MARK4: variants seen among roughly 807,000 people sequenced by gnomAD.
MARK4 encodes the protein microtubule affinity regulating kinase 4, also known as MAP/microtubule affinity-regulating kinase 4.
A neutral mutation model predicts 81.5 loss-of-function variants in MARK4; 19 were observed. The ratio of observed to expected loss-of-function variants is 0.23; its 90% CI spans 0.16 to 0.34. The LOEUF (loss-of-function observed/expected upper bound fraction) is 0.34. MARK4 is among the 10% of genes least tolerant of loss of function. MARK4 has a pLI of 1.00. For missense variants in MARK4, 772 were observed against 1,058.8 expected, an observed-to-expected ratio of 0.73 and a Z score of 3.76; for synonymous variants, 436 against 439.0, an observed-to-expected ratio of 0.99 and a Z score of 0.08.
At chr19:45,282,566 G>A (rs1020730354) in intron 12 of MARK4, among the ~76,000 whole-genome samples, 17 of 151,998 alleles carry the variant, frequency 1.1e-4, no homozygotes, top group African/African-American at 2.2e-4. Flanking sequence ...AGCGGCTCAC[G>A]CCTGTAATCC....
chr19:45,264,394 G>A (rs1432264253), intron 4 of MARK4, among the ~76,000 whole-genome samples: 1 of 151,850 alleles, frequency 6.6e-6, no homozygotes, highest in Admixed American at 6.6e-5. Context: ...CCAGCTACTC[G>A]GGAGGCTGAG....
chr19:45,278,498 T>G lies in MARK4; in HGVS notation c.907-18T>G, dbSNP rs1227465300. The G allele has an allele frequency of 6.2e-7, 1 of 1,610,822 alleles. No homozygotes were observed. The highest frequency in any genetic ancestry group is 1.1e-5 in the South Asian group (1 of 91,008). On this transcript the variant is annotated intron_variant, in intron 9 of 16. Transcript: ENST00000262891. ...TCTGACACCTGTCTTCCCCCTTCCC[T>G]GCTCCTGATGCCTGCAGCAAATCAT...
intron 8 of MARK4, among the ~76,000 whole-genome samples, chr19:45,277,081 T>C (rs1970607455): frequency 6.6e-6 from 1 of 151,538 alleles, no homozygotes; most frequent in Admixed American, 6.6e-5. Context: ...AGAATAAACT[T>C]CCTTTTTTTT....
rs954385348 is a variant in MARK4 at position 45,271,412 on chromosome 19, C to T, written c.550-60C>T. On this transcript the variant is annotated intron_variant, in intron 7 of 16. Transcript: ENST00000262891. The surrounding 1 kb of genome is among the most constrained non-coding windows in gnomAD (Gnocchi z 4.1). ...AGCCTGTGCTCCTGTCTGCCTCCCA[C>T]GTCCATGAAAGGCTTTGGCCTTGAG... 7.8e-6 allele frequency: 12 copies of T among 1,534,234 alleles called. No individual in the cohort carries two copies. In the Admixed American group the frequency reaches 8.6e-5, roughly 11 times the overall value.
rs149027164 is a variant in MARK4, at chr19:45,279,901, T to A, written c.1007-473T>A. Among the ~76,000 whole-genome samples the A allele has an allele frequency of 1.2e-3, 185 of 152,262 alleles. 2 individuals carry two copies. Among genetic ancestry groups the A allele is most frequent in the African/African-American group, 3.6e-3 (149 of 41,554 alleles). On this transcript the variant is annotated intron_variant, in intron 10 of 16. Transcript: ENST00000262891. ...GTAGAACACACTAATTAGCCAGACC[T>A]GGGTTATCCGCCTGCCTTAGGGTTG...
Position 45,277,920 on chromosome 19 carries a change from C to T in MARK4, c.787-3C>T. Reference sequence around the variant, plus strand: ...CCCTCCTCCAGTAACCCCATCCCTGCAGGAGCTGCGGGAGCGAGTACTCAG... The same window carrying T: ...CCCTCCTCCAGTAACCCCATCCCTGTAGGAGCTGCGGGAGCGAGTACTCAG... On this transcript the variant is annotated splice_polypyrimidine_tract_variant and splice_region_variant and intron_variant, in intron 8 of 16. Coordinates refer to ENST00000262891, the MANE Select transcript of MARK4 (RefSeq NM_001199867.2). 1 of 1,611,510 alleles carries T rather than the reference C, an allele frequency of 6.2e-7. No individual in the cohort carries two copies. The highest frequency in any genetic ancestry group is 1.1e-5 in the South Asian group (1 of 90,904).
At position 45,263,107 on chromosome 19, in the gene MARK4, C is replaced by G. The variant is rs376569138; in HGVS notation, c.253-6C>G. 6 of 1,603,156 alleles carry G rather than the reference C, an allele frequency of 3.7e-6. No individual in the cohort carries two copies. The highest frequency in any genetic ancestry group is 1.1e-5 in the South Asian group (1 of 89,344). ...GACCGTCCCTCCTCCTTTCCTCCCC[C>G]TCTAGGTTGCCATCAAGATTATCGA... On this transcript the variant is annotated splice_polypyrimidine_tract_variant and splice_region_variant and intron_variant, in intron 2 of 16. Transcript: ENST00000262891.
rs372438669 is a variant in MARK4, at chr19:45,278,604, C to A, written c.995C>A (p.Thr332Asn). 2.0e-5 allele frequency: 33 copies of A among 1,612,964 alleles called. No homozygotes were observed. The highest frequency in any genetic ancestry group is 2.7e-5 in the Non-Finnish European group (32 of 1,179,384). Reference sequence around the variant, plus strand: ...GAGCCCGAGGAGGACTTCGGGGACACCAAGAGAATTGGTGAGGGTCAGGGA... The same window carrying A: ...GAGCCCGAGGAGGACTTCGGGGACAACAAGAGAATTGGTGAGGGTCAGGGA... ...YTEPEEDFGD[T>N]KRIEVMVGMG... Residue 332 changes from threonine (T) to asparagine (N), a missense_variant, in exon 10 of 17, where the codon ACC becomes AAC. This residue lies in a region of MARK4 where 548 missense variants were observed against 624.3 expected (regional missense o/e 0.88). Coordinates refer to ENST00000262891, the MANE Select transcript of MARK4 (RefSeq NM_001199867.2).
chr19:45,299,903 C>G (rs1970945449), intron 16 of MARK4, 48 bp downstream of exon 16: 2 of 1,562,040 alleles, frequency 1.3e-6, no homozygotes, highest in East Asian at 4.7e-5. Context: ...TCTCCTGCCT[C>G]AGCACCTCCC....
intron 8 of MARK4, 87 bp from the exon 9 acceptor site, chr19:45,277,821 GGTTGTGTGTGTGTGT>G: frequency 7.8e-7 from 1 of 1,288,502 alleles, no homozygotes. Context: ...TTGGGACAAA[GGTTGTGTGTGTGTGT>G]GTGTGTGTGT....
intron 10 of MARK4, chr19:45,280,015 G>A (rs1970650650): frequency 7.2e-6 from 2 of 277,740 alleles, no homozygotes; most frequent in Non-Finnish European, 1.4e-5. Context: ...GATGGGTACT[G>A]GACAGGTCAA....
chr19:45,261,956 C>G (rs1970386490), intron 2 of MARK4, among the ~76,000 whole-genome samples: 1 of 151,788 alleles, frequency 6.6e-6, no homozygotes, highest in South Asian at 2.1e-4. Context: ...AGTTTCACTG[C>G]AAAAGAAGTA....
intron 12 of MARK4, among the ~76,000 whole-genome samples, chr19:45,282,767 T>C (rs1233384977): frequency 6.6e-6 from 1 of 151,962 alleles, no homozygotes; most frequent in Non-Finnish European, 1.5e-5. Context: ...GAGGTTGCAG[T>C]GAGCCGAGAT....
Position 45,268,583 on chromosome 19 carries a change from C to CA in MARK4, c.549+2316dup, listed in dbSNP as rs1252401187. Among the ~76,000 whole-genome samples the CA allele has an allele frequency of 9.4e-3, 1,012 of 107,908 alleles. 7 individuals carry two copies. The highest frequency in any genetic ancestry group is 0.012 in the Non-Finnish European group (603 of 51,336). The allele number at this position is 107,908 out of a possible 152,430, so 70.8% of individuals were successfully genotyped here. ...TGGACAACAGAGCAAGACTCCATCT[C>CA]AAAAAAAAAAAAAAGAAAAAAAATT... On this transcript the variant is annotated intron_variant, in intron 7 of 16. Transcript: ENST00000262891.
At chr19:45,295,164 A>C (rs1327354020) in intron 14 of MARK4, among the ~76,000 whole-genome samples, 1 of 151,282 alleles carries the variant, frequency 6.6e-6, no homozygotes, top group Non-Finnish European at 1.5e-5. Flanking sequence ...CCTGGCTAAC[A>C]TGGTGACACC....
chr19:45,267,206 C>CTGTCACCA (rs1349943016), intron 7 of MARK4, among the ~76,000 whole-genome samples: 1 of 152,102 alleles, frequency 6.6e-6, no homozygotes, highest in Non-Finnish European at 1.5e-5. Flanking sequence ...TCACAGGCAC[C>CTGTCACCA]TGTCACCATG....
intron 16 of MARK4, among the ~76,000 whole-genome samples, chr19:45,301,833 C>T (rs1044264099): frequency 1.3e-5 from 2 of 149,828 alleles, no homozygotes; most frequent in African/African-American, 4.9e-5. Flanking sequence ...CCATTGCACT[C>T]CAGCCTGGGT....
chr19:45,277,212 G>A (rs958392098), intron 8 of MARK4, among the ~76,000 whole-genome samples: 1 of 151,834 alleles, frequency 6.6e-6, no homozygotes, highest in African/African-American at 2.4e-5. Context: ...CAAGTAGCTA[G>A]GACTACAGGC....
rs1201016192 is a variant in MARK4 at position 45,287,456 on chromosome 19, C to T, written c.1286C>T (p.Ser429Phe). Residue 429 changes from serine to phenylalanine, a missense_variant, in exon 13 of 17, where the codon TCC becomes TTC. Around this residue, in one of 3 missense-constraint regions of MARK4, gnomAD observed 548 missense variants for 624.3 expected, o/e 0.88. Transcript: ENST00000262891. ...GTACCCCCTCCCCCAGGTGGCCCAT[C>T]CCCTGCACCCCTGCACCCCAAACGC... ...QRRHSDFCGP[S>F]PAPLHPKRSP... The T allele has an allele frequency of 1.4e-6, 2 of 1,444,078 alleles. No homozygotes were observed. 89.5% of individuals were successfully genotyped at this position (1,444,078 alleles called of 1,614,324 possible).
Sources: gnomAD v4.1 joint callset for allele counts (sites outside exome capture counted in the v4.1 genomes callset) on GRCh38, gnomAD v4.1.1 for gene constraint, gnomAD v4.1.1 regional missense constraint, Gnocchi (gnomAD v3.1) non-coding constraint, MANE v1.5 for transcripts, NCBI Gene and HGNC (gene_info 2026-07-23, HGNC 2026-07-21) for gene names.